Variants in SHANK2 observed in about 807,000 individuals in gnomAD.
The protein encoded by SHANK2 is SH3 and multiple ankyrin repeat domains protein 2.
A neutral mutation model predicts 133.7 loss-of-function variants in SHANK2; 43 were observed. The observed-to-expected ratio is 0.32, with a 90% CI of 0.25 to 0.41. The LOEUF (loss-of-function observed/expected upper bound fraction) is 0.41. Ranked by LOEUF, SHANK2 falls within the 10% of genes least tolerant of loss-of-function variation. The probability of loss-of-function intolerance (pLI) is 1.00; values close to 1 mark genes in which losing one functional copy is unlikely to be tolerated. For missense variants in SHANK2, 1,994 were observed against 2,235.8 expected (o/e 0.89, Z 2.18); for synonymous variants, 1,017 against 952.8 (o/e 1.07, Z -1.24).
chr11:70,703,069 C>T (rs1265375851), intron 14 of SHANK2, among the ~76,000 whole-genome samples: 1 of 152,254 alleles, frequency 6.6e-6, no homozygotes, highest in African/African-American at 2.4e-5. Context: ...GTCATGGAGT[C>T]TGTCAGCAGC....
At chr11:70,786,541 C>T (rs782563683) in intron 14 of SHANK2, among the ~76,000 whole-genome samples, 20 of 152,160 alleles carry the variant, frequency 1.3e-4, no homozygotes, top group Non-Finnish European at 2.2e-4. Flanking sequence ...CCCTGCAGGG[C>T]GTGTCTATCT....
intron 12 of SHANK2, among the ~76,000 whole-genome samples, chr11:70,813,120 A>G (rs1298636154): frequency 6.6e-6 from 1 of 152,214 alleles, no homozygotes; most frequent in Non-Finnish European, 1.5e-5. Flanking sequence ...ACACGGATGC[A>G]GGCCTCAGGG....
At chr11:70,567,201 CCT>C (rs1223528595) in intron 17 of SHANK2, among the ~76,000 whole-genome samples, 1 of 152,182 alleles carries the variant, frequency 6.6e-6, no homozygotes, top group Non-Finnish European at 1.5e-5. Context: ...CCTCTTAACT[CCT>C]ATGCTGAAGA....
At chr11:71,195,017 G>A (rs1256537515) in intron 2 of SHANK2, among the ~76,000 whole-genome samples, 2 of 152,210 alleles carry the variant, frequency 1.3e-5, no homozygotes, top group African/African-American at 4.8e-5. Context: ...AGAAACCAAA[G>A]CCACCTGACG....
chr11:71,194,772 C>T (rs1555115950), intron 2 of SHANK2, among the ~76,000 whole-genome samples: 1 of 152,216 alleles, frequency 6.6e-6, no homozygotes, highest in Non-Finnish European at 1.5e-5. Context: ...GCTTCCATAA[C>T]TTGAGCAGGG....
chr11:70,925,622 T>C (rs1340955116), intron 10 of SHANK2, among the ~76,000 whole-genome samples: 9 of 152,186 alleles, frequency 5.9e-5, no homozygotes, highest in African/African-American at 2.2e-4. Context: ...AAATGACTGG[T>C]AGGAGCACCC....
At chr11:70,586,693 C>T (rs76446274) in intron 17 of SHANK2, among the ~76,000 whole-genome samples, 3,552 of 152,318 alleles carry the variant, frequency 0.023, 154 homozygotes, top group African/African-American at 0.082. Flanking sequence ...CATTTCCTTC[C>T]CTTATTTATA....
intron 8 of SHANK2, among the ~76,000 whole-genome samples, chr11:71,078,585 G>A (rs1354324912): frequency 5.3e-5 from 8 of 152,182 alleles, no homozygotes; most frequent in Non-Finnish European, 1.2e-4. Flanking sequence ...CAGGAAGCGG[G>A]ACTCAGACAC....
chr11:70,734,262 G>A (rs1161058489), intron 14 of SHANK2, among the ~76,000 whole-genome samples: 1 of 152,204 alleles, frequency 6.6e-6, no homozygotes, highest in Non-Finnish European at 1.5e-5. Context: ...GTTTTAACTG[G>A]GTTGTTCGAG....
chr11:71,150,274 AGAGGAAGG>A (rs1952767655), intron 2 of SHANK2, among the ~76,000 whole-genome samples: 1 of 54,334 alleles, frequency 1.8e-5, no homozygotes, highest in Non-Finnish European at 3.4e-5. Context: ...AGAGGGAGGG[AGAGGAAGG>A]GAGGGAGGGA....
intron 17 of SHANK2, among the ~76,000 whole-genome samples, chr11:70,653,257 G>A (rs553542655): frequency 6.6e-6 from 1 of 152,294 alleles, no homozygotes; most frequent in South Asian, 2.1e-4. Context: ...ACAGGCGTGA[G>A]CCACTGCACC....
chr11:70,729,526 ATTT>A (rs1313198775), intron 14 of SHANK2, among the ~76,000 whole-genome samples: 1 of 137,678 alleles, frequency 7.3e-6, no homozygotes, highest in Non-Finnish European at 1.6e-5. Flanking sequence ...TACTTTCTTC[ATTT>A]TTTTTTTTTT....
At chr11:70,596,686 C>T (rs1347452246) in intron 17 of SHANK2, among the ~76,000 whole-genome samples, 1 of 152,238 alleles carries the variant, frequency 6.6e-6, no homozygotes, top group Admixed American at 6.5e-5. Context: ...TTCCTTCCTT[C>T]CTGCCTTCCC....
At chr11:71,190,026 C>A (rs1953760160) in intron 2 of SHANK2, among the ~76,000 whole-genome samples, 1 of 152,240 alleles carries the variant, frequency 6.6e-6, no homozygotes, top group Non-Finnish European at 1.5e-5. Flanking sequence ...TTGCTCCCAG[C>A]AGCCCAGCCC....
At chr11:70,539,998 C>T (rs1554974898) in intron 17 of SHANK2, among the ~76,000 whole-genome samples, 1 of 152,150 alleles carries the variant, frequency 6.6e-6, no homozygotes, top group Admixed American at 6.5e-5. Context: ...CTTCGCCTGG[C>T]CTTCCCACTG....
At chr11:70,488,764 G>A (rs755260194) in intron 24 of SHANK2, among the ~76,000 whole-genome samples, 1 of 152,246 alleles carries the variant, frequency 6.6e-6, no homozygotes, top group Non-Finnish European at 1.5e-5. Context: ...CAGGGTCCAA[G>A]TGTGGCTGAC....
intron 10 of SHANK2, among the ~76,000 whole-genome samples, 168 bp from the exon 11 acceptor site, chr11:70,896,735 C>T (rs918105714): frequency 4.6e-5 from 7 of 152,228 alleles, no homozygotes; most frequent in Admixed American, 2.6e-4. Flanking sequence ...CCACCACACT[C>T]ACTTCTCTCA....
intron 25 of SHANK2, among the ~76,000 whole-genome samples, chr11:70,477,080 A>G (rs1339576890): frequency 6.6e-6 from 1 of 152,050 alleles, no homozygotes; most frequent in African/African-American, 2.4e-5. Context: ...CTCTGCAAAC[A>G]CCTCGGTGGG....
chr11:70,940,845 C>T (rs1169505336), intron 10 of SHANK2, among the ~76,000 whole-genome samples: 2 of 152,056 alleles, frequency 1.3e-5, no homozygotes, highest in Non-Finnish European at 2.9e-5. Flanking sequence ...GCTGAAAAAG[C>T]ACCAGCTTAA....
Sources: gnomAD v4.1 joint callset for allele counts (sites outside exome capture counted in the v4.1 genomes callset) on GRCh38, gnomAD v4.1.1 for gene constraint, MANE v1.5 for transcripts, NCBI Gene and HGNC (gene_info 2026-07-23, HGNC 2026-07-21) for gene names.